Variants in STK39 observed in about 807,000 individuals in gnomAD.
STK39 encodes the protein STE20/SPS1-related proline-alanine-rich protein kinase.
In STK39, 20 loss-of-function variants were observed where a neutral mutation model predicts 77.8. The ratio of observed to expected loss-of-function variants is 0.26; its 90% CI spans 0.18 to 0.37. The LOEUF (loss-of-function observed/expected upper bound fraction) is 0.37. STK39 is among the 10% of genes least tolerant of loss of function. The pLI, the probability that STK39 is intolerant of heterozygous loss-of-function variation, is 1.00. For missense variants in STK39, 479 were observed against 656.5 expected (o/e 0.73, Z 2.95); for synonymous variants, 246 against 234.1 (o/e 1.05, Z -0.47).
intron 5 of STK39, among the ~76,000 whole-genome samples, chr2:168,149,643 T>C (rs1456302931): frequency 2.0e-5 from 3 of 152,220 alleles, no homozygotes; most frequent in Admixed American, 6.5e-5. Context: ...GGGTTAACCA[T>C]TGCATCAGAG....
chr2:167,999,337 T>C (rs2105294704), intron 16 of STK39, among the ~76,000 whole-genome samples: 1 of 152,392 alleles, frequency 6.6e-6, no homozygotes, highest in Admixed American at 6.5e-5. Flanking sequence ...CACTGACACC[T>C]GTGTACTGAC....
At chr2:168,049,959 A>G (rs1394325220) in intron 14 of STK39, among the ~76,000 whole-genome samples, 1 of 152,252 alleles carries the variant, frequency 6.6e-6, no homozygotes, top group Non-Finnish European at 1.5e-5. Context: ...CCAGATCTCT[A>G]CTTGAAAGAT....
chr2:168,070,712 T>C (rs749859265), intron 12 of STK39, among the ~76,000 whole-genome samples: 1 of 151,882 alleles, frequency 6.6e-6, no homozygotes, highest in African/African-American at 2.4e-5. Context: ...TCTCTGTCCT[T>C]GCGATAGTTT....
intron 1 of STK39, among the ~76,000 whole-genome samples, chr2:168,183,938 G>A (rs1263181558): frequency 6.6e-6 from 1 of 151,886 alleles, no homozygotes; most frequent in Non-Finnish European, 1.5e-5. Flanking sequence ...CAGAGAAAGT[G>A]CTATGCAGCT....
intron 1 of STK39, among the ~76,000 whole-genome samples, chr2:168,224,336 C>G (rs905269786): frequency 6.6e-6 from 1 of 151,900 alleles, no homozygotes; most frequent in African/African-American, 2.4e-5. Flanking sequence ...CATCAGCATT[C>G]AAATAAAAAA....
chr2:168,005,339 C>T (rs1684104464), intron 16 of STK39, among the ~76,000 whole-genome samples: 2 of 151,406 alleles, frequency 1.3e-5, no homozygotes, highest in Admixed American at 1.3e-4. Flanking sequence ...ATTCCTTTCC[C>T]AAGAGACCAG....
At chr2:168,139,425 A>ATATATATATATATATATATATAT (rs1559115956) in intron 7 of STK39, among the ~76,000 whole-genome samples, 29 of 131,830 alleles carry the variant, frequency 2.2e-4, no homozygotes, top group African/African-American at 8.9e-4. Context: ...TATATATATA[A>ATATATATATATATATATATATAT]AAACAATAAA....
At chr2:168,122,755 A>G (rs1378828672) in intron 10 of STK39, among the ~76,000 whole-genome samples, 3 of 152,216 alleles carry the variant, frequency 2.0e-5, no homozygotes, top group Non-Finnish European at 4.4e-5. Context: ...GTTTTTATAC[A>G]CAAGATTTCT....
intron 1 of STK39, among the ~76,000 whole-genome samples, chr2:168,185,629 T>C (rs996587208): frequency 3.3e-5 from 5 of 152,208 alleles, no homozygotes; most frequent in African/African-American, 1.2e-4. Context: ...TATTCTAACT[T>C]TGCATTTCAC....
At chr2:168,140,899 A>G in intron 5 of STK39, 141 bp from the exon 6 acceptor site, 1 of 610,374 alleles carries the variant, frequency 1.6e-6, no homozygotes, top group Middle Eastern at 4.8e-4. Flanking sequence ...CTCTCTCAGG[A>G]AAAAAAAGGA....
intron 14 of STK39, among the ~76,000 whole-genome samples, chr2:168,051,092 G>C (rs1209117724): frequency 1.3e-5 from 2 of 152,196 alleles, no homozygotes; most frequent in African/African-American, 4.8e-5. Context: ...ATTATCTTCA[G>C]GGATATGGTA....
chr2:168,037,084 A>T (rs1463755773), intron 14 of STK39, among the ~76,000 whole-genome samples: 1 of 152,248 alleles, frequency 6.6e-6, no homozygotes, highest in Non-Finnish European at 1.5e-5. Context: ...TAGAGTAAAA[A>T]TAGAAAAATC....
intron 16 of STK39, among the ~76,000 whole-genome samples, chr2:167,974,772 A>G (rs2105257533): frequency 6.6e-6 from 1 of 152,348 alleles, no homozygotes; most frequent in East Asian, 1.9e-4. Flanking sequence ...GGAGGTTCAC[A>G]AAAGGATGGA....
chr2:168,023,466 G>A lies in STK39; in HGVS notation c.1377-6371C>T, dbSNP rs189038236. The stretch of plus-strand genomic sequence containing the variant: ...CCAGTGGTGGAGGTGCAGAAGGCAG[G>A]TGCGATTGAAGTATATATTTTACAG... On this transcript the variant is annotated intron_variant, in intron 14 of 17. Transcript: ENST00000355999. Among the ~76,000 whole-genome samples the A allele has an allele frequency of 2.4e-3, 368 of 152,214 alleles. 1 individual carries two copies. The highest frequency in any genetic ancestry group is 4.1e-3 in the Non-Finnish European group (282 of 67,996).
chr2:168,229,369 A>G (rs573504405), intron 1 of STK39, among the ~76,000 whole-genome samples: 1 of 149,336 alleles, frequency 6.7e-6, no homozygotes, highest in South Asian at 2.2e-4. Flanking sequence ...TGGGTGACAG[A>G]GCAAGACTCT....
intron 14 of STK39, among the ~76,000 whole-genome samples, chr2:168,029,279 T>A (rs1684775217): frequency 1.3e-5 from 2 of 152,202 alleles, no homozygotes; most frequent in South Asian, 4.1e-4. Context: ...AAAGGGAAAC[T>A]GTTGCATAGT....
intron 14 of STK39, among the ~76,000 whole-genome samples, chr2:168,038,304 T>C (rs555953759): frequency 9.2e-5 from 14 of 152,146 alleles, no homozygotes; most frequent in Non-Finnish European, 2.1e-4. Flanking sequence ...TAAAACTTAT[T>C]ACAAATGTTC....
At chr2:168,131,180 A>G (rs1354888687) in intron 8 of STK39, among the ~76,000 whole-genome samples, 1 of 152,264 alleles carries the variant, frequency 6.6e-6, no homozygotes, top group Non-Finnish European at 1.5e-5. Flanking sequence ...AAACATAGAT[A>G]TCACAATTAT....
chr2:168,167,063 G>A (rs1166061263), intron 3 of STK39, among the ~76,000 whole-genome samples: 2 of 152,048 alleles, frequency 1.3e-5, no homozygotes, highest in South Asian at 2.1e-4. Context: ...CTAGAAGGTC[G>A]GGCATTTCAT....
Sources: allele counts gnomAD v4.1 joint callset (sites outside exome capture counted in the v4.1 genomes callset), GRCh38; gene constraint gnomAD v4.1.1; transcripts MANE v1.5; gene names NCBI Gene and HGNC (gene_info 2026-07-23, HGNC 2026-07-21).